KCNK12: variants seen among roughly 807,000 people sequenced by gnomAD.
KCNK12 encodes potassium two pore domain channel subfamily K member 12, also known as potassium channel subfamily K member 12.
KCNK12 carries 6 observed loss-of-function variants against 25.3 expected under a neutral mutation model. That is an observed-to-expected ratio of 0.24 (90% CI 0.13 to 0.47). The LOEUF (loss-of-function observed/expected upper bound fraction) is 0.47, where lower values mean the gene tolerates loss of function less well. KCNK12 is among the 20% of genes least tolerant of loss of function. The pLI, the probability that KCNK12 is intolerant of heterozygous loss-of-function variation, is 0.99. For synonymous variants in KCNK12, 331 were observed against 311.1 expected (o/e 1.06, Z -0.67); for missense variants, 444 against 661.7 (o/e 0.67, Z 3.61).
Position 47,520,826 on chromosome 2 carries a change from C to G in KCNK12, c.*81G>C. On this transcript the variant is annotated 3_prime_UTR_variant, in exon 2 of 2. Coordinates refer to ENST00000327876, the MANE Select transcript of KCNK12 (RefSeq NM_022055.2). This position sits in a 1 kb window ranked among gnomAD's most constrained non-coding sequence, Gnocchi z 5.0. ...TTATTGGATAAAGATTAAGAAAGCGCCAGCAGTGACTGAGAGAAGCAAACC... is the reference window on the plus strand; with the variant it reads ...TTATTGGATAAAGATTAAGAAAGCGGCAGCAGTGACTGAGAGAAGCAAACC... The G allele has an allele frequency of 1.0e-6, 1 of 965,846 alleles. No homozygotes were observed. The highest frequency in any genetic ancestry group is 1.3e-6 in the Non-Finnish European group (1 of 743,458). 59.8% of individuals were successfully genotyped at this position (965,846 alleles called of 1,614,324 possible). A position where few individuals can be genotyped will look rare whatever the true frequency, so the allele number is the denominator to read the frequency against.
chr2:47,532,703 T>C (rs1668960946), intron 1 of KCNK12, among the ~76,000 whole-genome samples: 1 of 152,206 alleles, frequency 6.6e-6, no homozygotes, highest in Non-Finnish European at 1.5e-5. Flanking sequence ...CTACAGGAGC[T>C]TTGTGAAGTG....
At chr2:47,539,795 C>T (rs959465468) in intron 1 of KCNK12, among the ~76,000 whole-genome samples, 28 of 152,258 alleles carry the variant, frequency 1.8e-4, no homozygotes, top group Non-Finnish European at 3.4e-4. Context: ...CTGTTAAAGC[C>T]GCTTCCCGGG....
In KCNK12 at chr2:47,512,458, T is replaced by C; in HGVS notation, c.*8449A>G. The C allele has an allele frequency of 6.4e-7, 1 of 1,567,472 alleles. No homozygotes were observed. The highest frequency in any genetic ancestry group is 8.6e-7 in the Non-Finnish European group (1 of 1,157,614). On this transcript the variant is annotated 3_prime_UTR_variant, in exon 2 of 2. Transcript: ENST00000327876. ...GACCTGGTGTCTGTTGCCTTCTGGTTAAGTTTTTCATTTGTAATTCTACAA... is the reference window on the plus strand; with the variant it reads ...GACCTGGTGTCTGTTGCCTTCTGGTCAAGTTTTTCATTTGTAATTCTACAA...
chr2:47,541,228 A>G (rs551991228), intron 1 of KCNK12, among the ~76,000 whole-genome samples: 2 of 152,252 alleles, frequency 1.3e-5, no homozygotes, highest in South Asian at 2.1e-4. Context: ...TGTCCACAGG[A>G]AGCCTGTTGG....
In KCNK12 at chr2:47,570,360, C is replaced by T. The variant is rs1018335459; in HGVS notation, c.-29G>A. 1.2e-5 allele frequency: 15 copies of T among 1,221,290 alleles called. No homozygotes were observed. The highest frequency in any genetic ancestry group is 1.5e-5 in the Non-Finnish European group (15 of 982,494). The allele number at this position is 1,221,290 out of a possible 1,614,324, so 75.7% of individuals were successfully genotyped here. A position where few individuals can be genotyped will look rare whatever the true frequency, so the allele number is the denominator to read the frequency against. On this transcript the variant is annotated 5_prime_UTR_variant, in exon 1 of 2. Transcript: ENST00000327876. ...CCGGAGCTCAGCCCCGGGGCCGGGG[C>T]GGCGCTCGGGGCCCGGGCCACGACA...
In KCNK12 at chr2:47,510,070, A is replaced by G. The variant is rs982588125; in HGVS notation, c.*10837T>C. 5.3e-5 allele frequency: 8 copies of G among 152,182 alleles called. No homozygotes were observed. Among genetic ancestry groups the G allele is most frequent in the African/African-American group, 1.7e-4 (7 of 41,418 alleles). The allele number at this position is 152,182 out of a possible 1,614,324, so 9.4% of individuals were successfully genotyped here. On this transcript the variant is annotated 3_prime_UTR_variant, in exon 2 of 2. Transcript: ENST00000327876. ...CGATCATGTGACTCTCTTCTGGTCA[A>G]TGAGATGCAGCAGAAAGTCCTAGGG...
At chr2:47,541,030 G>A (rs984762126) in intron 1 of KCNK12, among the ~76,000 whole-genome samples, 1 of 152,174 alleles carries the variant, frequency 6.6e-6, no homozygotes, top group African/African-American at 2.4e-5. Context: ...GAGGACACTT[G>A]TGACTTGCTG....
chr2:47,534,430 A>G (rs931883377), intron 1 of KCNK12, among the ~76,000 whole-genome samples: 1 of 67,372 alleles, frequency 1.5e-5, no homozygotes, highest in Admixed American at 1.5e-4. Flanking sequence ...GCCCGTCTCC[A>G]GGCCCCCCCC....
intron 1 of KCNK12, among the ~76,000 whole-genome samples, chr2:47,544,702 A>G (rs1216572858): frequency 2.0e-5 from 3 of 152,226 alleles, no homozygotes; most frequent in East Asian, 3.9e-4. Flanking sequence ...AGACAACCCA[A>G]TTACTCACAC....
intron 1 of KCNK12, among the ~76,000 whole-genome samples, chr2:47,524,408 T>C (rs1407805615): frequency 6.6e-6 from 1 of 152,186 alleles, no homozygotes; most frequent in African/African-American, 2.4e-5. Flanking sequence ...TGAAACAACA[T>C]GGATAAATCT....
intron 1 of KCNK12, among the ~76,000 whole-genome samples, chr2:47,537,559 G>T (rs1669101331): frequency 6.6e-6 from 1 of 152,116 alleles, no homozygotes; most frequent in Admixed American, 6.5e-5. Context: ...TCAATCTCTT[G>T]ACCTCGTGAT....
Position 47,570,729 on chromosome 2 carries a change from GC to G in KCNK12, c.-399del, listed in dbSNP as rs1374069844. On this transcript the variant is annotated 5_prime_UTR_variant, in exon 1 of 2. Coordinates refer to ENST00000327876, the MANE Select transcript of KCNK12 (RefSeq NM_022055.2). ...TCTCCAGACAGGCCGCGGGCTGCGG[GC>G]GGGGTGGGCCGTGGATCCCGGGCGC... 6.5e-6 allele frequency: 1 copy of G among 153,244 alleles called. No homozygotes were observed. Among genetic ancestry groups the G allele is most frequent in the Non-Finnish European group, 1.5e-5 (1 of 68,830 alleles). 9.5% of individuals were successfully genotyped at this position (153,244 alleles called of 1,614,324 possible).
intron 1 of KCNK12, among the ~76,000 whole-genome samples, chr2:47,534,521 C>CCA (rs1669013636): frequency 8.1e-6 from 1 of 124,086 alleles, no homozygotes; most frequent in African/African-American, 3.0e-5. Context: ...TCTAACCCCC[C>CCA]CCCCCGCCCC....
Position 47,570,916 on chromosome 2 carries a change from C to G in KCNK12, c.-585G>C, listed in dbSNP as rs1033593116. ...CGGCTTCAGAGCCTCGGAGCCGAGC[C>G]GAGTCCGGGGAAGCGCTCCTTTCTC... On this transcript the variant is annotated 5_prime_UTR_variant, in exon 1 of 2. Transcript: ENST00000327876. 2 of 152,136 alleles carry G rather than the reference C, an allele frequency of 1.3e-5. No homozygotes were observed. The highest frequency in any genetic ancestry group is 2.4e-5 in the African/African-American group (1 of 41,430). 9.4% of individuals were successfully genotyped at this position (152,136 alleles called of 1,614,324 possible).
Position 47,540,357 on chromosome 2 carries a change from C to T in KCNK12, c.392-18549G>A, listed in dbSNP as rs185562351. 2.5e-3 allele frequency among the ~76,000 whole-genome samples: 380 copies of T among 152,286 alleles called. 3 individuals carry two copies. Among genetic ancestry groups the T allele is most frequent in the Non-Finnish European group, 4.5e-3 (304 of 68,026 alleles). ...AGGGGGCTGAGTGTCCGGCCTGGGA[C>T]GTGAGAGGGCATGGGCTCACCTGCT... is the stretch of plus-strand genomic sequence containing the variant. On this transcript the variant is annotated intron_variant, in intron 1 of 1. Transcript: ENST00000327876. This position sits in a 1 kb window ranked among gnomAD's most constrained non-coding sequence, Gnocchi z 5.4.
chr2:47,521,938 G>T, intron 1 of KCNK12, 130 bp from the exon 2 acceptor site: 1 of 726,304 alleles, frequency 1.4e-6, no homozygotes, highest in African/African-American at 1.9e-5. Context: ...CACCACTCAG[G>T]TGGAGGAAGA....
Position 47,560,713 on chromosome 2 carries a change from A to AT in KCNK12, c.391+9227dup, listed in dbSNP as rs1669650261. Among the ~76,000 whole-genome samples the AT allele has an allele frequency of 6.6e-6, 1 of 152,222 alleles. No homozygotes were observed. Among genetic ancestry groups the AT allele is most frequent in the Admixed American group, 6.5e-5 (1 of 15,288 alleles). ...TTGGGAGCTTACTGAGTAAACACAG[A>AT]TAAAAACACAGTGAACTGGCAAACA... On this transcript the variant is annotated intron_variant, in intron 1 of 1. Transcript: ENST00000327876. This position sits in a 1 kb window ranked among gnomAD's most constrained non-coding sequence, Gnocchi z 4.7.
chr2:47,509,630 T>G lies in KCNK12; in HGVS notation c.*11277A>C, dbSNP rs377364166. 5.3e-4 allele frequency among the ~76,000 whole-genome samples: 81 copies of G among 152,344 alleles called. 5 individuals are homozygous for G. The highest frequency in any genetic ancestry group is 4.6e-3 in the East Asian group (24 of 5,186). ...CTGGAGTCACGATTCTGTCACCCAGTCAGGTCATCAGTGTCAGAGAGCTAG... is the reference window on the plus strand; with the variant it reads ...CTGGAGTCACGATTCTGTCACCCAGGCAGGTCATCAGTGTCAGAGAGCTAG... On this transcript the variant is annotated 3_prime_UTR_variant, in exon 2 of 2. Coordinates refer to ENST00000327876, the MANE Select transcript of KCNK12 (RefSeq NM_022055.2).
At position 47,525,291 on chromosome 2, in the gene KCNK12, T is replaced by C. The variant is rs559458284; in HGVS notation, c.392-3483A>G. Among the ~76,000 whole-genome samples, 2 of 152,164 alleles carry C rather than the reference T, an allele frequency of 1.3e-5. No individual in the cohort carries two copies. The highest frequency in any genetic ancestry group is 4.8e-5 in the African/African-American group (2 of 41,434). On this transcript the variant is annotated intron_variant, in intron 1 of 1. Transcript: ENST00000327876. This position sits in a 1 kb window ranked among gnomAD's most constrained non-coding sequence, Gnocchi z 4.1. The stretch of plus-strand genomic sequence containing the variant: ...TAGTTGTTGTGGCAGTGGAGAGTGC[T>C]GTGGATTCTTTCACTCACCCCCAGG...
Sources: gnomAD v4.1 joint callset for allele counts (sites outside exome capture counted in the v4.1 genomes callset) on GRCh38, gnomAD v4.1.1 for gene constraint, Gnocchi (gnomAD v3.1) non-coding constraint, MANE v1.5 for transcripts, NCBI Gene and HGNC (gene_info 2026-07-23, HGNC 2026-07-21) for gene names.